The following MAML2 variants were observed in gnomAD, a reference collection of about 807,000 sequenced individuals.
MAML2 encodes mastermind like transcriptional coactivator 2, also known as mastermind-like protein 2.
A neutral mutation model predicts 96.1 loss-of-function variants in MAML2; 22 were observed. The observed-to-expected ratio is 0.23, with a 90% CI of 0.16 to 0.33. The LOEUF (loss-of-function observed/expected upper bound fraction) is 0.33. Among genes scored for constraint, MAML2 ranks in the 10% least tolerant of loss-of-function variants. The pLI, the probability that MAML2 is intolerant of heterozygous loss-of-function variation, is 1.00. For missense variants in MAML2, 1,367 were observed against 1,392.4 expected (o/e 0.98, Z 0.29); for synonymous variants, 561 against 521.3 (o/e 1.08, Z -1.04).
At chr11:96,293,361 C>T in intron 1 of MAML2, among the ~76,000 whole-genome samples, 1 of 152,118 alleles carries the variant, frequency 6.6e-6, no homozygotes, top group East Asian at 1.9e-4. Flanking sequence ...TCAGATCTTA[C>T]AAAATTATGT....
rs1024647272 is a variant in MAML2 at position 95,978,508 on chromosome 11, T to G, written c.*440A>C. The G allele has an allele frequency of 4.7e-6, 1 of 210,960 alleles. No homozygotes were observed. Among genetic ancestry groups the G allele is most frequent in the African/African-American group, 2.3e-5 (1 of 44,084 alleles). The allele number at this position is 210,960 out of a possible 1,614,324, so 13.1% of individuals were successfully genotyped here. ...AGGAAAATTAAATGAAAAGACACAATGGAAAGATTAAACCATACCTATCTA... is the reference window on the plus strand; with the variant it reads ...AGGAAAATTAAATGAAAAGACACAAGGGAAAGATTAAACCATACCTATCTA... On this transcript the variant is annotated 3_prime_UTR_variant, in exon 5 of 5. Coordinates refer to ENST00000524717, the MANE Select transcript of MAML2 (RefSeq NM_032427.4).
chr11:96,211,767 T>C (rs1398885302), intron 1 of MAML2, among the ~76,000 whole-genome samples: 5 of 152,182 alleles, frequency 3.3e-5, no homozygotes, highest in East Asian at 1.9e-4. Context: ...TATATTACAA[T>C]AGTTTGGATT....
chr11:96,287,355 C>T (rs1228196069), intron 1 of MAML2, among the ~76,000 whole-genome samples: 4 of 152,134 alleles, frequency 2.6e-5, no homozygotes, highest in African/African-American at 9.7e-5. Context: ...TGACAAAACC[C>T]CTCTGGAGGA....
At chr11:95,995,135 T>TTGTTTTCA (rs1857971890) in intron 2 of MAML2, among the ~76,000 whole-genome samples, 1 of 152,232 alleles carries the variant, frequency 6.6e-6, no homozygotes, top group Non-Finnish European at 1.5e-5. Flanking sequence ...CTGTTTACGT[T>TTGTTTTCA]TGTTTTCATT....
intron 2 of MAML2, among the ~76,000 whole-genome samples, chr11:96,049,777 TA>T (rs1276701203): frequency 1.1e-4 from 16 of 152,210 alleles, no homozygotes; most frequent in African/African-American, 3.4e-4. Context: ...ATGGAGTACT[TA>T]ATCCTTTTAC....
chr11:96,190,698 C>A lies in MAML2; in HGVS notation c.514-97181G>T, dbSNP rs527942370. Among the ~76,000 whole-genome samples the A allele has an allele frequency of 5.3e-5, 8 of 152,214 alleles. No homozygotes were observed. The East Asian group carries it at 7.7e-4, about 15-fold the overall frequency. ...CCAGCCCTAAAGAGATGACATTTAA[C>A]GGGGATAAATGTAAATCCCTCTTCA... On this transcript the variant is annotated intron_variant, in intron 1 of 4. Coordinates refer to ENST00000524717, the MANE Select transcript of MAML2 (RefSeq NM_032427.4).
chr11:96,330,804 G>A (rs1863843752), intron 1 of MAML2, among the ~76,000 whole-genome samples: 1 of 152,192 alleles, frequency 6.6e-6, no homozygotes. Context: ...GCTTCATAAA[G>A]GCCATCCTCA....
At chr11:96,096,211 C>T (rs1859824878) in intron 1 of MAML2, among the ~76,000 whole-genome samples, 6 of 152,250 alleles carry the variant, frequency 3.9e-5, no homozygotes, top group Admixed American at 3.9e-4. Flanking sequence ...GATTCTCTCA[C>T]TGCTCTGGCC....
intron 2 of MAML2, among the ~76,000 whole-genome samples, chr11:96,039,087 CA>C (rs1858763851): frequency 6.6e-6 from 1 of 152,040 alleles, no homozygotes; most frequent in Non-Finnish European, 1.5e-5. Flanking sequence ...CCTGTCTACA[CA>C]AAAATGTTTT....
At chr11:96,168,824 A>C (rs1364112523) in intron 1 of MAML2, among the ~76,000 whole-genome samples, 1 of 152,184 alleles carries the variant, frequency 6.6e-6, no homozygotes, top group African/African-American at 2.4e-5. Flanking sequence ...AGCTACAAAC[A>C]CATGAGTCAT....
chr11:96,233,172 C>T (rs1862320209), intron 1 of MAML2, among the ~76,000 whole-genome samples: 1 of 152,014 alleles, frequency 6.6e-6, no homozygotes, highest in Non-Finnish European at 1.5e-5. Flanking sequence ...TGCTAGAGTA[C>T]AATAAATTAT....
At chr11:96,143,219 T>C (rs1860763668) in intron 1 of MAML2, among the ~76,000 whole-genome samples, 3 of 152,196 alleles carry the variant, frequency 2.0e-5, no homozygotes, top group African/African-American at 7.2e-5. Context: ...AGCCTTTATT[T>C]GGCAAAGTTT....
chr11:96,240,841 A>G (rs1862428846), intron 1 of MAML2, among the ~76,000 whole-genome samples: 1 of 152,174 alleles, frequency 6.6e-6, no homozygotes, highest in African/African-American at 2.4e-5. Context: ...TCATTTCAGA[A>G]GCATATACTA....
rs1402942529 is a variant in MAML2, at chr11:96,068,828, T to C, written c.2139+23064A>G. On this transcript the variant is annotated intron_variant, in intron 2 of 4. Transcript: ENST00000524717. Reference sequence around the variant, plus strand: ...CTGGGCGACAGAGCAAGACTCCTTCTCAAAAAAAAAAAAAAAGAAGGTATG... The same window carrying C: ...CTGGGCGACAGAGCAAGACTCCTTCCCAAAAAAAAAAAAAAAGAAGGTATG... Among the ~76,000 whole-genome samples the C allele has an allele frequency of 5.7e-4, 68 of 120,310 alleles. No homozygotes were observed. The South Asian group carries it at 0.014, about 25-fold the overall frequency. 78.9% of individuals were successfully genotyped at this position (120,310 alleles called of 152,430 possible).
At chr11:96,126,269 G>A (rs903889358) in intron 1 of MAML2, among the ~76,000 whole-genome samples, 6 of 152,142 alleles carry the variant, frequency 3.9e-5, no homozygotes, top group African/African-American at 1.4e-4. Flanking sequence ...AAAAACAATA[G>A]CAGAGAGGCC....
intron 1 of MAML2, among the ~76,000 whole-genome samples, chr11:96,300,140 T>C (rs1247848347): frequency 2.0e-5 from 3 of 152,004 alleles, no homozygotes; most frequent in Non-Finnish European, 4.4e-5. Context: ...CTCTCATAGG[T>C]AGACAGTTGG....
At chr11:96,027,890 C>T (rs762404840) in intron 2 of MAML2, among the ~76,000 whole-genome samples, 1 of 152,026 alleles carries the variant, frequency 6.6e-6, no homozygotes, top group Non-Finnish European at 1.5e-5. Flanking sequence ...TGTTACTGTG[C>T]CCGGCTCATT....
chr11:96,299,060 A>AAAAAAATATATATATATAT (rs55878534), intron 1 of MAML2, among the ~76,000 whole-genome samples: 1 of 56,342 alleles, frequency 1.8e-5, no homozygotes, highest in Non-Finnish European at 3.0e-5. Context: ...AAAAAAAAAA[A>AAAAAAATATATATATATAT]ATATATATAT....
chr11:96,075,147 G>C (rs563795100), intron 2 of MAML2, among the ~76,000 whole-genome samples: 1 of 152,314 alleles, frequency 6.6e-6, no homozygotes, highest in African/African-American at 2.4e-5. Flanking sequence ...ATTCCCTAGA[G>C]AGGATATTGA....
Sources: allele counts gnomAD v4.1 joint callset (sites outside exome capture counted in the v4.1 genomes callset), GRCh38; gene constraint gnomAD v4.1.1; transcripts MANE v1.5; gene names NCBI Gene and HGNC (gene_info 2026-07-23, HGNC 2026-07-21).